The following RCSD1 variants were observed in gnomAD, a reference collection of about 807,000 sequenced individuals.
RCSD1 encodes capZ-interacting protein.
Under a neutral mutation model 42.5 loss-of-function variants are expected in RCSD1, and 26 were observed. That is an observed-to-expected ratio of 0.61 (90% CI 0.45 to 0.85). The LOEUF is 0.85. RCSD1 is among the 40% of genes least tolerant of loss of function. The probability of loss-of-function intolerance (pLI) is 0.00; values close to 1 mark genes in which losing one functional copy is unlikely to be tolerated. For missense variants in RCSD1, 571 were observed against 528.3 expected, an observed-to-expected ratio of 1.08 and a Z score of -0.79; for synonymous variants, 220 against 212.2, an observed-to-expected ratio of 1.04 and a Z score of -0.32.
At chr1:167,637,607 C>T (rs1279157012) in intron 1 of RCSD1, among the ~76,000 whole-genome samples, 2 of 152,180 alleles carry the variant, frequency 1.3e-5, no homozygotes, top group African/African-American at 2.4e-5. Flanking sequence ...CCAAAGGCTC[C>T]TGCTAGAGAA....
rs1353448803 is a variant in RCSD1 at position 167,630,485 on chromosome 1, C to T, written c.6+56C>T. ...GAGCGGTGAGCGGTGTATCGGGCGCCCCTTCCCCGGGCGGCTGCCCCTGCC... is the reference window on the plus strand; with the variant it reads ...GAGCGGTGAGCGGTGTATCGGGCGCTCCTTCCCCGGGCGGCTGCCCCTGCC... On this transcript the variant is annotated intron_variant, in intron 1 of 6. Coordinates refer to ENST00000367854, the MANE Select transcript of RCSD1 (RefSeq NM_052862.4). The T allele has an allele frequency of 2.0e-6, 3 of 1,487,058 alleles. No homozygotes were observed. In the Admixed American group the frequency reaches 6.6e-5, roughly 33 times the overall value. 92.1% of individuals were successfully genotyped at this position (1,487,058 alleles called of 1,614,324 possible). A position where few individuals can be genotyped will look rare whatever the true frequency, so the allele number is the denominator to read the frequency against.
chr1:167,688,538 G>A (rs904107380), intron 3 of RCSD1, among the ~76,000 whole-genome samples: 2 of 152,082 alleles, frequency 1.3e-5, no homozygotes, highest in African/African-American at 2.4e-5. Flanking sequence ...ATTTATTCCC[G>A]CCCAGCTGCA....
chr1:167,667,769 A>G (rs55856911), intron 1 of RCSD1, among the ~76,000 whole-genome samples: 29,544 of 152,104 alleles, frequency 0.19, 3,087 homozygotes, highest in Non-Finnish European at 0.22. Context: ...CTGGATGACA[A>G]TTTGTTTCCA....
intron 3 of RCSD1, among the ~76,000 whole-genome samples, chr1:167,687,158 G>A (rs1232489817): frequency 6.6e-6 from 1 of 152,202 alleles, no homozygotes; most frequent in East Asian, 1.9e-4. Context: ...AGAAAATCCT[G>A]CCTGGAGTGA....
At chr1:167,688,062 T>G (rs1659280341) in intron 3 of RCSD1, among the ~76,000 whole-genome samples, 1 of 152,242 alleles carries the variant, frequency 6.6e-6, no homozygotes. Context: ...CTCAGCCGCT[T>G]GCCTGAAGCC....
Position 167,676,011 on chromosome 1 carries a change from T to C in RCSD1, c.7-7889T>C, listed in dbSNP as rs939546210. Among the ~76,000 whole-genome samples the C allele has an allele frequency of 2.5e-4, 38 of 152,268 alleles. 1 individual carries two copies. The highest frequency in any genetic ancestry group is 7.2e-4 in the African/African-American group (30 of 41,554). On this transcript the variant is annotated intron_variant, in intron 1 of 6. Coordinates refer to ENST00000367854, the MANE Select transcript of RCSD1 (RefSeq NM_052862.4). ...TAGCCCCATAGCCAACATCCAGTAATAGCTAACAATTATCAAACACTTCCT... is the reference window on the plus strand; with the variant it reads ...TAGCCCCATAGCCAACATCCAGTAACAGCTAACAATTATCAAACACTTCCT...
chr1:167,652,878 C>T (rs1658346125), intron 1 of RCSD1, among the ~76,000 whole-genome samples: 1 of 152,182 alleles, frequency 6.6e-6, no homozygotes, highest in Non-Finnish European at 1.5e-5. Context: ...TAGATGGCTT[C>T]TAATTTTTCA....
chr1:167,673,913 G>T (rs906035463), intron 1 of RCSD1, among the ~76,000 whole-genome samples: 5 of 152,106 alleles, frequency 3.3e-5, no homozygotes, highest in African/African-American at 1.2e-4. Flanking sequence ...TCTGTGAAGC[G>T]TTCCCTGATT....
intron 5 of RCSD1, among the ~76,000 whole-genome samples, chr1:167,695,135 G>A (rs1383475357): frequency 3.3e-5 from 5 of 152,260 alleles, no homozygotes; most frequent in Non-Finnish European, 5.9e-5. Flanking sequence ...TAGTGGTAAG[G>A]AGGGGTTCAG....
intron 1 of RCSD1, among the ~76,000 whole-genome samples, chr1:167,647,226 G>A (rs193110864): frequency 3.4e-4 from 51 of 152,016 alleles, no homozygotes; most frequent in African/African-American, 1.2e-3. Context: ...CAGGCTGCAG[G>A]TTCCACAGCA....
intron 1 of RCSD1, among the ~76,000 whole-genome samples, chr1:167,662,228 A>T (rs1658554950): frequency 6.6e-6 from 1 of 152,252 alleles, no homozygotes; most frequent in African/African-American, 2.4e-5. Flanking sequence ...GTAACAGGAA[A>T]GAAAACAAAA....
intron 5 of RCSD1, 65 bp from the exon 6 acceptor site, chr1:167,697,034 T>C: frequency 6.7e-7 from 1 of 1,487,624 alleles, no homozygotes; most frequent in Non-Finnish European, 9.1e-7. Context: ...TGAAAGTGCA[T>C]ACAGTCCTCC....
intron 1 of RCSD1, 78 bp downstream of exon 1, chr1:167,630,507 T>A: frequency 7.2e-7 from 1 of 1,395,354 alleles, no homozygotes; most frequent in Non-Finnish European, 9.5e-7. Flanking sequence ...CGGCTGCCCC[T>A]GCCCTGAGCA....
chr1:167,683,510 G>A (rs1278199356), intron 1 of RCSD1, among the ~76,000 whole-genome samples: 4 of 152,230 alleles, frequency 2.6e-5, no homozygotes, highest in Non-Finnish European at 4.4e-5. Context: ...TGTGTTTCAA[G>A]TTCAATAAAG....
chr1:167,677,444 C>T (rs1443649258), intron 1 of RCSD1, among the ~76,000 whole-genome samples: 2 of 152,206 alleles, frequency 1.3e-5, no homozygotes, highest in African/African-American at 2.4e-5. Context: ...CAAAGTTAAG[C>T]ATGTGCCCCC....
chr1:167,648,715 C>T (rs1249174740), intron 1 of RCSD1, among the ~76,000 whole-genome samples: 2 of 152,130 alleles, frequency 1.3e-5, no homozygotes, highest in Admixed American at 6.5e-5. Flanking sequence ...CAACAGTGAG[C>T]CCGGGGACAC....
intron 1 of RCSD1, among the ~76,000 whole-genome samples, chr1:167,682,295 A>G (rs139724398): frequency 0.015 from 2,345 of 151,606 alleles, 66 homozygotes; most frequent in African/African-American, 0.054. Context: ...TCAGCCTCCC[A>G]AGTAACTGAG....
chr1:167,674,933 G>A (rs933198202), intron 1 of RCSD1, among the ~76,000 whole-genome samples: 3 of 152,088 alleles, frequency 2.0e-5, no homozygotes, highest in Non-Finnish European at 4.4e-5. Flanking sequence ...CCAGCCGGGT[G>A]CGGTGGCTCA....
chr1:167,658,188 C>T (rs183179920), intron 1 of RCSD1, among the ~76,000 whole-genome samples: 1 of 152,324 alleles, frequency 6.6e-6, no homozygotes, highest in East Asian at 1.9e-4. Context: ...CAGCCCCCCT[C>T]CCTGTGTCCA....
Sources: allele counts gnomAD v4.1 joint callset (sites outside exome capture counted in the v4.1 genomes callset), GRCh38; gene constraint gnomAD v4.1.1; transcripts MANE v1.5; gene names NCBI Gene and HGNC (gene_info 2026-07-23, HGNC 2026-07-21).